Variants in MARCKS observed in about 807,000 individuals in gnomAD.
MARCKS encodes myristoylated alanine rich protein kinase C substrate.
A neutral mutation model predicts 6.3 loss-of-function variants in MARCKS; 4 were observed. That is an observed-to-expected ratio of 0.63 (90% CI 0.31 to 1.45). The LOEUF (loss-of-function observed/expected upper bound fraction) is 1.45, where lower values mean the gene tolerates loss of function less well. MARCKS is among the 40% of genes most tolerant of loss of function. MARCKS has a pLI of 0.07. For synonymous variants in MARCKS, 289 were observed against 236.5 expected, an observed-to-expected ratio of 1.22 and a Z score of -2.04; for missense variants, 636 against 485.7, an observed-to-expected ratio of 1.31 and a Z score of -2.91.
intron 1 of MARCKS, among the ~76,000 whole-genome samples, chr6:113,858,611 C>G (rs973950934): frequency 1.3e-5 from 2 of 152,202 alleles, no homozygotes; most frequent in Admixed American, 6.5e-5. Flanking sequence ...CTCGACCACC[C>G]GCGAGGGGCC....
chr6:113,860,653 GT>G lies in MARCKS; in HGVS notation c.*78del. The G allele has an allele frequency of 8.9e-7, 1 of 1,127,288 alleles. No homozygotes were observed. Among genetic ancestry groups the G allele is most frequent in the Non-Finnish European group, 1.2e-6 (1 of 835,420 alleles). The allele number at this position is 1,127,288 out of a possible 1,614,324, so 69.8% of individuals were successfully genotyped here. A position where few individuals can be genotyped will look rare whatever the true frequency, so the allele number is the denominator to read the frequency against. ...TTTGTTGGAGTGGTGCCAGGTACTGGTTTTGGAGAACTTGTCTACAACCAGG... is the reference window on the plus strand; with the variant it reads ...TTTGTTGGAGTGGTGCCAGGTACTGGTTTGGAGAACTTGTCTACAACCAGG... On this transcript the variant is annotated 3_prime_UTR_variant, in exon 2 of 2. Transcript: ENST00000612661.
intron 1 of MARCKS, among the ~76,000 whole-genome samples, chr6:113,859,213 T>C (rs2114520586): frequency 6.6e-6 from 1 of 152,324 alleles, no homozygotes; most frequent in East Asian, 1.9e-4. Context: ...CCTGGTATTT[T>C]GAAGAGGCCT....
In MARCKS at chr6:113,861,455, T is replaced by C. The variant is rs1373837730; in HGVS notation, c.*876T>C. 1 of 152,668 alleles carries C rather than the reference T, an allele frequency of 6.6e-6. No homozygotes were observed. Among genetic ancestry groups the C allele is most frequent in the Non-Finnish European group, 1.5e-5 (1 of 68,032 alleles). 9.5% of individuals were successfully genotyped at this position (152,668 alleles called of 1,614,324 possible). A position where few individuals can be genotyped will look rare whatever the true frequency, so the allele number is the denominator to read the frequency against. ...TGCAACTTTCCACCCTGCCCATTTT[T>C]GTAAAACTGCAGTCATCTTGGACCT... On this transcript the variant is annotated 3_prime_UTR_variant, in exon 2 of 2. Coordinates refer to ENST00000612661, the MANE Select transcript of MARCKS (RefSeq NM_002356.7).
At position 113,860,539 on chromosome 6, in the gene MARCKS, A is replaced by C; in HGVS notation, c.959A>C (p.Glu320Ala). The stretch of plus-strand genomic sequence containing the variant: ...GCCCCCTCACAGGAGGCCCAGCCCG[A>C]GTGCAGTCCAGAAGCCCCCCCAGCG... ...CAAPSQEAQP[E>A]CSPEAPPAEA... Residue 320 changes from glutamate to alanine, a missense_variant, in exon 2 of 2, where the codon GAG becomes GCG. Physicochemically the swap from Glu to Ala is moderately radical, Grantham distance 107 (BLOSUM62 -1). Coordinates refer to ENST00000612661, the MANE Select transcript of MARCKS (RefSeq NM_002356.7). The C allele has an allele frequency of 2.6e-6, 4 of 1,560,336 alleles. No individual in the cohort carries two copies. Among genetic ancestry groups the C allele is most frequent in the Non-Finnish European group, 3.5e-6 (4 of 1,157,448 alleles).
At position 113,859,822 on chromosome 6, in the gene MARCKS, C is replaced by A; in HGVS notation, c.242C>A (p.Ser81Ter). The A allele has an allele frequency of 7.7e-7, 1 of 1,298,584 alleles. No individual in the cohort carries two copies. Among genetic ancestry groups the A allele is most frequent in the Non-Finnish European group, 9.7e-7 (1 of 1,025,782 alleles). The allele number at this position is 1,298,584 out of a possible 1,614,324, so 80.4% of individuals were successfully genotyped here. ...GCGGCCGCCGGGAGCGGGGCGGCGT[C>A]GCCCTCCGCGGCCGAGAAAGGTGAG... ...EPAAAGSGAA[S>*]PSAAEKGEPA... is the part of the protein sequence containing the mutation. Residue 81 changes from serine (S) to a stop codon, truncating the protein, a stop_gained, in exon 2 of 2, where the codon TCG (serine) becomes TAG (stop). Transcript: ENST00000612661. LOFTEE classifies it low-confidence loss of function (END_TRUNC).
Position 113,859,748 on chromosome 6 carries a change from G to C in MARCKS, c.168G>C (p.Glu56Asp). 6.7e-7 allele frequency: 1 copy of C among 1,496,856 alleles called. No individual in the cohort carries two copies. The highest frequency in any genetic ancestry group is 8.9e-7 in the Non-Finnish European group (1 of 1,123,982). The allele number at this position is 1,496,856 out of a possible 1,614,324, so 92.7% of individuals were successfully genotyped here. A position where few individuals can be genotyped will look rare whatever the true frequency, so the allele number is the denominator to read the frequency against. Residue 56 changes from glutamate (E) to aspartate (D), a missense_variant, in exon 2 of 2, where the codon GAG becomes GAC. Glu to Asp is a conservative substitution (Grantham distance 45). Coordinates refer to ENST00000612661, the MANE Select transcript of MARCKS (RefSeq NM_002356.7). ...CGGCCGCCGAGTCGGGCGCCAAGGA[G>C]GAGCTGCAGGCCAACGGCAGCGCCC... is the stretch of plus-strand genomic sequence containing the variant. ...SPAAAESGAKEELQANGSAPA... is the reference protein window; with the variant it reads ...SPAAAESGAKDELQANGSAPA...
chr6:113,861,329 T>G lies in MARCKS; in HGVS notation c.*750T>G, dbSNP rs1030573627. 6 of 152,644 alleles carry G rather than the reference T, an allele frequency of 3.9e-5. No individual in the cohort carries two copies. Among genetic ancestry groups the G allele is most frequent in the Admixed American group, 2.6e-4 (4 of 15,284 alleles). The allele number at this position is 152,644 out of a possible 1,614,324, so 9.5% of individuals were successfully genotyped here. On this transcript the variant is annotated 3_prime_UTR_variant, in exon 2 of 2. Transcript: ENST00000612661. ...ATAGGCTTTATTGTTTATTGCTGGT[T>G]TATGACCTTAATAAAGTGTAATTAT...
Position 113,859,896 on chromosome 6 carries a change from G to A in MARCKS, c.316G>A (p.Glu106Lys), listed in dbSNP as rs1221716200. The A allele has an allele frequency of 8.3e-6, 12 of 1,441,984 alleles. No individual in the cohort carries two copies. The East Asian group carries it at 3.7e-4, about 45-fold the overall frequency. The allele number at this position is 1,441,984 out of a possible 1,614,324, so 89.3% of individuals were successfully genotyped here. The change falls in exon 2 of 2, where the codon GAG (glutamate) becomes AAG (lysine). Residue 106 changes from glutamate (E) to lysine (K), a missense_variant. By Grantham distance (56) the Glu-to-Lys change is moderately conservative. Coordinates refer to ENST00000612661, the MANE Select transcript of MARCKS (RefSeq NM_002356.7). ...GGCCGGGGCCAGCCCGGTAGAGAAG[G>A]AGGCCCCCGCGGAAGGCGAGGCTGC... ...PEAGASPVEK[E>K]APAEGEAAEP...
chr6:113,857,724 T>C lies in MARCKS; in HGVS notation c.-22T>C, dbSNP rs774350655. ...TGTTTCCCCTCTTGGATCTGTTGAG[T>C]TTCTTTGTTGAAGAAGCCAGCATGG... is the stretch of plus-strand genomic sequence containing the variant. On this transcript the variant is annotated 5_prime_UTR_variant, in exon 1 of 2. Transcript: ENST00000612661. 41 of 1,576,398 alleles carry C rather than the reference T, an allele frequency of 2.6e-5. No individual in the cohort carries two copies. In the South Asian group the frequency reaches 4.4e-4, roughly 17 times the overall value.
chr6:113,858,457 C>T (rs1774822103), intron 1 of MARCKS, among the ~76,000 whole-genome samples: 1 of 152,218 alleles, frequency 6.6e-6, no homozygotes, highest in Non-Finnish European at 1.5e-5. Flanking sequence ...TTATTCGTAG[C>T]TGTCTGTGGA....
chr6:113,857,620 G>GGT lies in MARCKS; in HGVS notation c.-118_-117dup, dbSNP rs1384504388. On this transcript the variant is annotated 5_prime_UTR_variant, in exon 1 of 2. Transcript: ENST00000612661. ...CCACCACCCCCACCCCCCTCCCTCC[G>GGT]GTGTGTGTGCCGCTGCCGCTGTTGC... The GGT allele has an allele frequency of 5.7e-6, 2 of 349,476 alleles. No homozygotes were observed. The highest frequency in any genetic ancestry group is 5.7e-5 in the African/African-American group (2 of 35,198). 21.6% of individuals were successfully genotyped at this position (349,476 alleles called of 1,614,324 possible). A position where few individuals can be genotyped will look rare whatever the true frequency, so the allele number is the denominator to read the frequency against.
intron 1 of MARCKS, among the ~76,000 whole-genome samples, chr6:113,859,099 G>A (rs1337360227): frequency 1.3e-5 from 2 of 152,090 alleles, no homozygotes; most frequent in Non-Finnish European, 2.9e-5. Flanking sequence ...GCGCGGTGGA[G>A]GCACAGCGCC....
In MARCKS at chr6:113,857,646, C is replaced by A; in HGVS notation, c.-100C>A. On this transcript the variant is annotated 5_prime_UTR_variant, in exon 1 of 2. Transcript: ENST00000612661. ...GTGTGTGTGCCGCTGCCGCTGTTGC[C>A]GCCGCCGCTGCTGCTGCTGCTCGCC... 1.7e-6 allele frequency: 1 copy of A among 571,838 alleles called. No homozygotes were observed. The highest frequency in any genetic ancestry group is 2.8e-6 in the Non-Finnish European group (1 of 356,796). 35.4% of individuals were successfully genotyped at this position (571,838 alleles called of 1,614,324 possible). A position where few individuals can be genotyped will look rare whatever the true frequency, so the allele number is the denominator to read the frequency against.
rs1418941373 is a variant in MARCKS, at chr6:113,860,515, C to A, written c.935C>A (p.Ala312Asp). 2 of 1,546,122 alleles carry A rather than the reference C, an allele frequency of 1.3e-6. No individual in the cohort carries two copies. Among genetic ancestry groups the A allele is most frequent in the Non-Finnish European group, 8.7e-7 (1 of 1,149,984 alleles). Residue 312 changes from alanine to aspartate, a missense_variant, in exon 2 of 2, where the codon GCC (alanine) becomes GAC (aspartate). Transcript: ENST00000612661. ...AAAAASSACA[A>D]PSQEAQPECS... The stretch of plus-strand genomic sequence containing the variant: ...GCCGCAGCCTCGTCAGCCTGCGCAG[C>A]CCCCTCACAGGAGGCCCAGCCCGAG...
At chr6:113,858,461 C>G (rs1356294366) in intron 1 of MARCKS, among the ~76,000 whole-genome samples, 1 of 152,212 alleles carries the variant, frequency 6.6e-6, no homozygotes, top group African/African-American at 2.4e-5. Flanking sequence ...TCGTAGCTGT[C>G]TGTGGAATTA....
At chr6:113,859,010 G>A (rs1023695651) in intron 1 of MARCKS, among the ~76,000 whole-genome samples, 2 of 152,056 alleles carry the variant, frequency 1.3e-5, no homozygotes, top group East Asian at 1.9e-4. Flanking sequence ...GGGCGCCTCG[G>A]CCTGCGGGCA....
intron 1 of MARCKS, among the ~76,000 whole-genome samples, chr6:113,858,901 T>C (rs912392595): frequency 6.6e-6 from 1 of 152,216 alleles, no homozygotes; most frequent in Admixed American, 6.5e-5. Flanking sequence ...TCAGAAATAA[T>C]GGGTTTCCCC....
In MARCKS at chr6:113,859,849, CGGCCGCCGCCGCTGCCCCCGAGGCCGG is replaced by C; in HGVS notation, c.274_300del (p.Ala92_Ala100del). Reference sequence around the variant, plus strand: ...CCCTCCGCGGCCGAGAAAGGTGAGCCGGCCGCCGCCGCTGCCCCCGAGGCCGGGGCCAGCCCGGTAGAGAAGGAGGCC... The same window carrying C: ...CCCTCCGCGGCCGAGAAAGGTGAGCCGGCCAGCCCGGTAGAGAAGGAGGCC... On this transcript the variant is annotated inframe_deletion, in exon 2 of 2. Transcript: ENST00000612661. The C allele has an allele frequency of 7.7e-7, 1 of 1,293,932 alleles. No homozygotes were observed. The highest frequency in any genetic ancestry group is 9.8e-7 in the Non-Finnish European group (1 of 1,023,470). The allele number at this position is 1,293,932 out of a possible 1,614,324, so 80.2% of individuals were successfully genotyped here. A position where few individuals can be genotyped will look rare whatever the true frequency, so the allele number is the denominator to read the frequency against.
chr6:113,858,280 G>C (rs978114704), intron 1 of MARCKS, among the ~76,000 whole-genome samples: 2 of 151,302 alleles, frequency 1.3e-5, no homozygotes. Flanking sequence ...GGGGGGAGTC[G>C]GGAAAGGGGG....
Sources: allele counts gnomAD v4.1 joint callset (sites outside exome capture counted in the v4.1 genomes callset), GRCh38; gene constraint gnomAD v4.1.1; transcripts MANE v1.5; gene names NCBI Gene and HGNC (gene_info 2026-07-23, HGNC 2026-07-21).